Variants in OSBPL9 observed in about 807,000 individuals in gnomAD.
The protein encoded by OSBPL9 is oxysterol-binding protein-related protein 9.
OSBPL9 carries 40 observed loss-of-function variants against 106.6 expected under a neutral mutation model. The ratio of observed to expected loss-of-function variants is 0.38; its 90% CI spans 0.29 to 0.49. OSBPL9 has a LOEUF of 0.49. OSBPL9 is among the 20% of genes least tolerant of loss of function. The pLI, the probability that OSBPL9 is intolerant of heterozygous loss-of-function variation, is 0.97. For missense variants in OSBPL9, 609 were observed against 887.2 expected (o/e 0.69, Z 3.98); for synonymous variants, 269 against 295.4 (o/e 0.91, Z 0.92).
chr1:51,692,932 G>A (rs1655273439), intron 3 of OSBPL9, among the ~76,000 whole-genome samples: 3 of 152,168 alleles, frequency 2.0e-5, no homozygotes. Flanking sequence ...AATGGGAATT[G>A]AGAATGCTCG....
chr1:51,607,296 G>A lies in OSBPL9; in HGVS notation c.-352-7009G>A, dbSNP rs1643956023. On this transcript the variant is annotated intron_variant, in intron 2 of 25. Transcript: ENST00000371714. ...CCTGCCTCATCCTCCTGAGTAGCTG[G>A]GATCACAAGTGTGCACCACCACACC... Among the ~76,000 whole-genome samples the A allele has an allele frequency of 5.3e-5, 8 of 151,302 alleles. No individual in the cohort carries two copies. The South Asian group carries it at 1.7e-3, about 32-fold the overall frequency.
chr1:51,667,756 C>T (rs1648863280), intron 2 of OSBPL9, among the ~76,000 whole-genome samples: 1 of 152,218 alleles, frequency 6.6e-6, no homozygotes, highest in South Asian at 2.1e-4. Flanking sequence ...CGTGCTTACC[C>T]ACTGAAGTGT....
the OSBPL9 span, among the ~76,000 whole-genome samples, chr1:51,535,352 G>A: frequency 1.3e-5 from 2 of 152,110 alleles, no homozygotes; most frequent in Admixed American, 6.6e-5. Context: ...TAAGCCCCTC[G>A]TCTTGAAAGG....
the OSBPL9 span, among the ~76,000 whole-genome samples, chr1:51,542,059 T>G: frequency 6.6e-6 from 1 of 152,292 alleles, no homozygotes; most frequent in East Asian, 1.9e-4. Flanking sequence ...AGCTAGTTTT[T>G]GAATTTTTAG....
chr1:51,777,313 G>A (rs1675300255), intron 15 of OSBPL9, among the ~76,000 whole-genome samples: 1 of 152,158 alleles, frequency 6.6e-6, no homozygotes, highest in African/African-American at 2.4e-5. Flanking sequence ...ACAAGTTGGA[G>A]AAAGGAAAAG....
intron 4 of OSBPL9, chr1:51,730,070 C>T (rs963184829): frequency 3.9e-6 from 5 of 1,272,524 alleles, no homozygotes; most frequent in African/African-American, 1.5e-5. Context: ...TCCCGGCCGC[C>T]AGGCCGGAGC....
the OSBPL9 span, among the ~76,000 whole-genome samples, chr1:51,529,373 G>A: frequency 1.3e-5 from 2 of 152,044 alleles, no homozygotes; most frequent in Admixed American, 1.3e-4. Flanking sequence ...GAGTAGCTGG[G>A]ACTACAGATG....
rs118039755 is a variant in OSBPL9 at position 51,632,711 on chromosome 1, A to G, written c.111+15490A>G. Reference sequence around the variant, plus strand: ...ACTAAAGTCTCAGAATTTGTGAGTGATGGGTTTTTTATGTTTACATGGCAT... The same window carrying G: ...ACTAAAGTCTCAGAATTTGTGAGTGGTGGGTTTTTTATGTTTACATGGCAT... On this transcript the variant is annotated intron_variant, in intron 1 of 23. Coordinates refer to ENST00000428468, the MANE Select transcript of OSBPL9 (RefSeq NM_024586.6). 8.0e-4 allele frequency among the ~76,000 whole-genome samples: 112 copies of G among 139,668 alleles called. 1 individual carries two copies. The East Asian group carries it at 0.022, about 27-fold the overall frequency. The allele number at this position is 139,668 out of a possible 152,430, so 91.6% of individuals were successfully genotyped here.
At chr1:51,553,725 G>T in the OSBPL9 span, among the ~76,000 whole-genome samples, 1 of 151,976 alleles carries the variant, frequency 6.6e-6, no homozygotes, top group South Asian at 2.1e-4. Flanking sequence ...TTGTTGCCAG[G>T]CTGGAGTGCA....
intron 12 of OSBPL9, among the ~76,000 whole-genome samples, chr1:51,766,295 A>G (rs963538284): frequency 9.2e-5 from 14 of 152,214 alleles, no homozygotes; most frequent in Non-Finnish European, 1.9e-4. Flanking sequence ...GGCCGTTTCT[A>G]CAGTACCAAC....
chr1:51,706,627 ACTT>A (rs940548444), intron 3 of OSBPL9, among the ~76,000 whole-genome samples: 1 of 150,844 alleles, frequency 6.6e-6, no homozygotes, highest in Non-Finnish European at 1.5e-5. Flanking sequence ...CTCATTTTGA[ACTT>A]CTTGTTGTTT....
intron 2 of OSBPL9, among the ~76,000 whole-genome samples, chr1:51,658,261 A>T (rs1421175950): frequency 6.6e-6 from 1 of 152,158 alleles, no homozygotes. Context: ...TCTGGAATAG[A>T]CATCATGCCA....
intron 3 of OSBPL9, among the ~76,000 whole-genome samples, chr1:51,699,912 A>G (rs527870973): frequency 1.3e-5 from 2 of 152,228 alleles, no homozygotes; most frequent in Non-Finnish European, 2.9e-5. Flanking sequence ...ATTTATCTAC[A>G]TGTATATCGA....
chr1:51,593,981 T>C (rs115320415), intron 1 of OSBPL9, among the ~76,000 whole-genome samples: 2,341 of 151,742 alleles, frequency 0.015, 26 homozygotes, highest in Non-Finnish European at 0.022. Context: ...AACAGTACTA[T>C]TGAACATTTG....
intron 15 of OSBPL9, among the ~76,000 whole-genome samples, chr1:51,777,169 C>T (rs928121325): frequency 1.3e-5 from 2 of 152,098 alleles, no homozygotes; most frequent in African/African-American, 4.8e-5. Context: ...ATTCACAAGG[C>T]CAATGGTATA....
At chr1:51,780,240 G>A (rs995051092) in intron 15 of OSBPL9, among the ~76,000 whole-genome samples, 3 of 151,954 alleles carry the variant, frequency 2.0e-5, no homozygotes, top group Non-Finnish European at 2.9e-5. Context: ...TGGATATGGT[G>A]GAAAGGGAAC....
chr1:51,689,444 G>GT (rs1204083165), intron 3 of OSBPL9, among the ~76,000 whole-genome samples: 1 of 151,938 alleles, frequency 6.6e-6, no homozygotes, highest in Non-Finnish European at 1.5e-5. Context: ...CTTAGCCTTG[G>GT]TAATCAATGG....
chr1:51,784,647 T>C (rs1677180571), intron 20 of OSBPL9, 65 bp downstream of exon 20: 32 of 1,528,508 alleles, frequency 2.1e-5, no homozygotes, highest in Non-Finnish European at 2.8e-5. Flanking sequence ...TGTCTTGAAC[T>C]ACAGCTTCTG....
chr1:51,727,444 A>G (rs917779316), intron 4 of OSBPL9, among the ~76,000 whole-genome samples: 1 of 152,196 alleles, frequency 6.6e-6, no homozygotes, highest in Non-Finnish European at 1.5e-5. Flanking sequence ...ATAATGCTGA[A>G]CAGAATTAGA....
Sources: gnomAD v4.1 joint callset for allele counts (sites outside exome capture counted in the v4.1 genomes callset) on GRCh38, gnomAD v4.1.1 for gene constraint, MANE v1.5 for transcripts, NCBI Gene and HGNC (gene_info 2026-07-23, HGNC 2026-07-21) for gene names.